RNF111: variants seen among roughly 807,000 people sequenced by gnomAD.
RNF111 encodes ring finger protein 111, also known as E3 ubiquitin-protein ligase Arkadia.
In RNF111, 17 loss-of-function variants were observed where a neutral mutation model predicts 95.1. The ratio of observed to expected loss-of-function variants is 0.18; its 90% CI spans 0.12 to 0.27. The LOEUF is 0.27. Among genes scored for constraint, RNF111 ranks in the 10% least tolerant of loss-of-function variants. RNF111 has a pLI of 1.00. For missense variants in RNF111, 1,189 were observed against 1,210.4 expected, an observed-to-expected ratio of 0.98 and a Z score of 0.26; for synonymous variants, 440 against 414.8, an observed-to-expected ratio of 1.06 and a Z score of -0.74.
intron 1 of RNF111, among the ~76,000 whole-genome samples, chr15:59,018,053 C>A (rs35658945): frequency 0.31 from 47,105 of 151,932 alleles, 7,407 homozygotes; most frequent in East Asian, 0.41. Context: ...GGCACCACGC[C>A]CGGCCTATTT....
At chr15:59,093,421 C>T (rs2079111476) in intron 13 of RNF111, 1 of 441,072 alleles carries the variant, frequency 2.3e-6, no homozygotes, top group Non-Finnish European at 4.5e-6. Flanking sequence ...TCTCAGCTCA[C>T]TGCAACCTCC....
In RNF111 at chr15:59,031,058, A is replaced by T. The variant is rs775865246; in HGVS notation, c.236A>T (p.Asn79Ile). 4.3e-6 allele frequency: 7 copies of T among 1,614,156 alleles called. No homozygotes were observed. In the Admixed American group the frequency reaches 5.0e-5, roughly 12 times the overall value. The change falls in exon 2 of 14, where the codon AAT (asparagine) becomes ATT (isoleucine). Residue 79 changes from asparagine to isoleucine, a missense_variant. By Grantham distance (149) the Asn-to-Ile change is moderately radical (BLOSUM62 -3). Transcript: ENST00000348370. ...TCTCAAAAGCAAGAGAAGGAAATGA[A>T]TGGTAACCAGCAAGAACAAGAAAAA... is the stretch of plus-strand genomic sequence containing the variant. ...DDSQKQEKEM[N>I]GNQQEQEKSL...
intron 1 of RNF111, among the ~76,000 whole-genome samples, chr15:59,006,073 T>G (rs1189469568): frequency 6.6e-6 from 1 of 152,186 alleles, no homozygotes; most frequent in African/African-American, 2.4e-5. Context: ...CCAGTAGGCG[T>G]GGTCATTGTC....
intron 8 of RNF111, among the ~76,000 whole-genome samples, chr15:59,082,683 A>C (rs2078780684): frequency 6.6e-6 from 1 of 152,186 alleles, no homozygotes; most frequent in Admixed American, 6.5e-5. Flanking sequence ...CTGAGTAGTT[A>C]CAACAGAGAA....
chr15:59,043,316 A>G (rs1485460938), intron 2 of RNF111, among the ~76,000 whole-genome samples: 1 of 151,978 alleles, frequency 6.6e-6, no homozygotes, highest in Admixed American at 6.6e-5. Context: ...CACCTCAGCC[A>G]GCTGATTTTT....
chr15:59,017,753 C>CTTTTT (rs200975904), intron 1 of RNF111, among the ~76,000 whole-genome samples: 10 of 120,966 alleles, frequency 8.3e-5, no homozygotes, highest in African/African-American at 1.0e-4. Flanking sequence ...TTGTTGAACT[C>CTTTTT]TTTTTTTTTT....
At chr15:59,023,860 T>C (rs2040467448) in intron 1 of RNF111, among the ~76,000 whole-genome samples, 1 of 152,184 alleles carries the variant, frequency 6.6e-6, no homozygotes, top group African/African-American at 2.4e-5. Context: ...AGTTTGAAGA[T>C]TTACTTTATA....
intron 1 of RNF111, among the ~76,000 whole-genome samples, chr15:58,991,698 G>A (rs1431222504): frequency 6.6e-6 from 1 of 152,180 alleles, no homozygotes; most frequent in Admixed American, 6.5e-5. Context: ...ATTAGGTGAG[G>A]TTTGATTCTA....
intron 1 of RNF111, among the ~76,000 whole-genome samples, chr15:58,989,009 C>G (rs1190771936): frequency 6.6e-6 from 1 of 152,120 alleles, no homozygotes; most frequent in African/African-American, 2.4e-5. Flanking sequence ...AAAGAACAAA[C>G]TGGGAAAAAC....
intron 1 of RNF111, among the ~76,000 whole-genome samples, chr15:58,990,829 A>C (rs772011781): frequency 1.8e-4 from 28 of 152,184 alleles, no homozygotes; most frequent in Non-Finnish European, 3.5e-4. Context: ...TTTTTCTTTC[A>C]GAAACCTGTA....
At chr15:59,034,901 A>C (rs559383707) in intron 2 of RNF111, among the ~76,000 whole-genome samples, 1 of 152,200 alleles carries the variant, frequency 6.6e-6, no homozygotes, top group African/African-American at 2.4e-5. Context: ...CAACTTTTTC[A>C]TACAATGTGC....
intron 2 of RNF111, chr15:59,049,507 G>A (rs930837764): frequency 5.0e-6 from 1 of 198,056 alleles, no homozygotes; most frequent in Non-Finnish European, 1.1e-5. Flanking sequence ...GTTGTACCTA[G>A]GTACCTTTCT....
chr15:58,990,041 G>A (rs2038742109), intron 1 of RNF111, among the ~76,000 whole-genome samples: 1 of 152,122 alleles, frequency 6.6e-6, no homozygotes, highest in African/African-American at 2.4e-5. Context: ...GTTATAACTT[G>A]ACATTACCGT....
chr15:59,070,104 G>C (rs1596267740), intron 6 of RNF111, among the ~76,000 whole-genome samples: 4 of 136,140 alleles, frequency 2.9e-5, no homozygotes, highest in Admixed American at 2.5e-4. Context: ...TAAACTCCTG[G>C]GCTTAAGTAA....
intron 13 of RNF111, chr15:59,093,269 G>T (rs2079102896): frequency 2.9e-6 from 1 of 343,242 alleles, no homozygotes; most frequent in Non-Finnish European, 5.5e-6. Context: ...GTCCTAGAAA[G>T]TTATAATGTG....
chr15:59,041,961 A>AT (rs79347638), intron 2 of RNF111, among the ~76,000 whole-genome samples: 14,886 of 99,998 alleles, frequency 0.15, 1,313 homozygotes, highest in African/African-American at 0.25. Flanking sequence ...GTCTGTTCAT[A>AT]TTTTTTTTTT....
intron 4 of RNF111, 69 bp from the exon 5 acceptor site, chr15:59,058,287 C>A: frequency 8.1e-7 from 1 of 1,240,396 alleles, no homozygotes; most frequent in Non-Finnish European, 1.2e-6. Flanking sequence ...AACACATTAG[C>A]TTACATTAAA....
intron 2 of RNF111, among the ~76,000 whole-genome samples, chr15:59,045,751 G>A (rs1282312313): frequency 6.6e-6 from 1 of 152,192 alleles, no homozygotes; most frequent in African/African-American, 2.4e-5. Context: ...CAAGTAACAT[G>A]TCTGCAAAGT....
chr15:59,067,137 C>T, intron 6 of RNF111, 54 bp downstream of exon 6: 1 of 1,402,690 alleles, frequency 7.1e-7, no homozygotes, highest in Non-Finnish European at 1.0e-6. Context: ...CTCTCTCTCT[C>T]TCTCCTTCTC....
Sources: gnomAD v4.1 joint callset for allele counts (sites outside exome capture counted in the v4.1 genomes callset) on GRCh38, gnomAD v4.1.1 for gene constraint, MANE v1.5 for transcripts, NCBI Gene and HGNC (gene_info 2026-07-23, HGNC 2026-07-21) for gene names.